The following DLG2 variants were observed in gnomAD, a reference collection of about 807,000 sequenced individuals.
DLG2 encodes the protein discs large MAGUK scaffold protein 2.
DLG2 carries 45 observed loss-of-function variants against 132.5 expected under a neutral mutation model. The observed-to-expected ratio is 0.34, with a 90% CI of 0.27 to 0.44. DLG2 has a LOEUF of 0.44. Ranked by LOEUF, DLG2 falls within the 20% of genes least tolerant of loss-of-function variation. DLG2 has a pLI of 1.00. For missense variants in DLG2, 1,045 were observed against 1,196.9 expected (o/e 0.87, Z 1.87); for synonymous variants, 424 against 419.6 (o/e 1.01, Z -0.13).
chr11:84,063,984 G>A (rs2096632167), intron 10 of DLG2, among the ~76,000 whole-genome samples: 1 of 151,636 alleles, frequency 6.6e-6, no homozygotes, highest in African/African-American at 2.4e-5. Context: ...GCTGGGGGAG[G>A]GATAGCATTA....
intron 3 of DLG2, among the ~76,000 whole-genome samples, chr11:85,355,136 A>T (rs2152889029): frequency 6.6e-6 from 1 of 152,304 alleles, no homozygotes; most frequent in South Asian, 2.1e-4. Context: ...AATTTATACT[A>T]AATAGTTCAG....
At chr11:85,171,348 G>A (rs1373263344) in intron 4 of DLG2, among the ~76,000 whole-genome samples, 1 of 152,124 alleles carries the variant, frequency 6.6e-6, no homozygotes, top group Non-Finnish European at 1.5e-5. Context: ...GGTGGTGAGT[G>A]ATTATGCACC....
At chr11:84,258,846 G>A (rs928048698) in intron 7 of DLG2, among the ~76,000 whole-genome samples, 11 of 152,152 alleles carry the variant, frequency 7.2e-5, no homozygotes, top group Admixed American at 2.0e-4. Flanking sequence ...ATTTATCACC[G>A]TTCTGACTTA....
At chr11:84,521,590 C>A (rs1219472532) in intron 7 of DLG2, among the ~76,000 whole-genome samples, 1 of 152,168 alleles carries the variant, frequency 6.6e-6, no homozygotes, top group African/African-American at 2.4e-5. Context: ...GAATTTATTG[C>A]TGAACTTAAA....
chr11:83,655,876 T>G (rs1246507152), intron 18 of DLG2, among the ~76,000 whole-genome samples: 6 of 152,236 alleles, frequency 3.9e-5, no homozygotes, highest in Non-Finnish European at 8.8e-5. Context: ...ACTGTTTTAC[T>G]GTTTCAGCTG....
chr11:83,681,562 C>G (rs1184212161), intron 18 of DLG2, among the ~76,000 whole-genome samples: 1 of 152,166 alleles, frequency 6.6e-6, no homozygotes, highest in African/African-American at 2.4e-5. Flanking sequence ...CATCAACAGG[C>G]ACGCCAAATG....
rs181470732 is a variant in DLG2, at chr11:84,553,806, T to C, written c.358-19075A>G. Among the ~76,000 whole-genome samples, 141 of 152,354 alleles carry C rather than the reference T, an allele frequency of 9.3e-4. 1 individual carries two copies. The highest frequency in any genetic ancestry group is 3.2e-3 in the African/African-American group (134 of 41,584). On this transcript the variant is annotated intron_variant, in intron 6 of 27. Coordinates refer to ENST00000376104, the MANE Select transcript of DLG2 (RefSeq NM_001142699.3). Reference sequence around the variant, plus strand: ...TTCACATGTTACAATATAGATAAGTTTGATAATTTCTTCTTAAAATTGGCA... The same window carrying C: ...TTCACATGTTACAATATAGATAAGTCTGATAATTTCTTCTTAAAATTGGCA...
intron 6 of DLG2, among the ~76,000 whole-genome samples, chr11:84,575,134 A>G (rs1280872687): frequency 6.6e-6 from 1 of 152,232 alleles, no homozygotes; most frequent in South Asian, 2.1e-4. Context: ...AATTGAGCTA[A>G]CCAGATCTTA....
chr11:84,130,538 G>A (rs1057506539), intron 9 of DLG2, among the ~76,000 whole-genome samples: 2,029 of 120,946 alleles, frequency 0.017, 22 homozygotes, highest in Non-Finnish European at 0.024. Flanking sequence ...ATGTGTGTGT[G>A]TATATATATA....
At chr11:84,144,926 A>C (rs2095017460) in intron 9 of DLG2, among the ~76,000 whole-genome samples, 1 of 152,206 alleles carries the variant, frequency 6.6e-6, no homozygotes, top group Admixed American at 6.5e-5. Flanking sequence ...CCATTTCTCA[A>C]GACCTGTAAT....
chr11:84,390,385 C>T (rs1028348820), intron 7 of DLG2, among the ~76,000 whole-genome samples: 13 of 152,196 alleles, frequency 8.5e-5, no homozygotes, highest in Admixed American at 6.5e-4. Flanking sequence ...TGTTGAGTAC[C>T]GACTCCATGC....
intron 18 of DLG2, among the ~76,000 whole-genome samples, chr11:83,745,276 G>A (rs2092822760): frequency 6.6e-6 from 1 of 152,078 alleles, no homozygotes; most frequent in African/African-American, 2.4e-5. Context: ...GCCAAAGTTT[G>A]AAAAAAATTA....
rs1196298849 is a variant in DLG2 at position 84,241,108 on chromosome 11, T to C, written c.573+10130A>G. 2.0e-5 allele frequency among the ~76,000 whole-genome samples: 3 copies of C among 152,332 alleles called. No homozygotes were observed. The South Asian group carries it at 6.2e-4, about 32-fold the overall frequency. ...TACCTACTTTGCCTAGAAATGTCTT[T>C]TTATTCTTTAAGAGCTAGACAAAAT... On this transcript the variant is annotated intron_variant, in intron 8 of 27. Coordinates refer to ENST00000376104, the MANE Select transcript of DLG2 (RefSeq NM_001142699.3).
chr11:84,290,174 T>C (rs1436692331), intron 7 of DLG2, among the ~76,000 whole-genome samples: 1 of 152,130 alleles, frequency 6.6e-6, no homozygotes, highest in Non-Finnish European at 1.5e-5. Context: ...TATAACCTTA[T>C]TTCATTCTAT....
At chr11:84,316,679 G>A (rs1431454521) in intron 7 of DLG2, 4 of 894,722 alleles carry the variant, frequency 4.5e-6, no homozygotes, top group Non-Finnish European at 6.6e-6. Flanking sequence ...AAACATGTGT[G>A]AAAATGACAG....
chr11:85,003,952 T>C (rs187797992), intron 6 of DLG2, among the ~76,000 whole-genome samples: 226 of 152,306 alleles, frequency 1.5e-3, no homozygotes, highest in African/African-American at 5.2e-3. Context: ...CTCCCACTTA[T>C]GAGTGAGAAC....
chr11:84,047,132 T>C (rs1566202554), intron 11 of DLG2, among the ~76,000 whole-genome samples: 1 of 151,608 alleles, frequency 6.6e-6, no homozygotes, highest in Non-Finnish European at 1.5e-5. Flanking sequence ...ATTATTTCAG[T>C]TTAGGTAAAT....
intron 3 of DLG2, among the ~76,000 whole-genome samples, chr11:85,291,500 G>A (rs1353078147): frequency 6.6e-6 from 1 of 151,512 alleles, no homozygotes; most frequent in African/African-American, 2.4e-5. Context: ...GATTCATTTG[G>A]TTTTTGGTGA....
chr11:83,480,372 G>A (rs1400414482), intron 22 of DLG2: 19 of 1,534,916 alleles, frequency 1.2e-5, no homozygotes, highest in East Asian at 2.4e-5. Flanking sequence ...AGTAACTTAC[G>A]GTAGCTACTT....
Sources: allele counts gnomAD v4.1 joint callset (sites outside exome capture counted in the v4.1 genomes callset), GRCh38; gene constraint gnomAD v4.1.1; transcripts MANE v1.5; gene names NCBI Gene and HGNC (gene_info 2026-07-23, HGNC 2026-07-21).